Variants in TCF12 observed in about 807,000 individuals in gnomAD.
The protein encoded by TCF12 is transcription factor 12, also known as DNA-binding protein HTF4.
In TCF12, 45 loss-of-function variants were observed where a neutral mutation model predicts 86.0. The observed-to-expected ratio is 0.52, with a 90% CI of 0.41 to 0.67. The LOEUF (loss-of-function observed/expected upper bound fraction) is 0.67. Ranked by LOEUF, TCF12 falls within the 30% of genes least tolerant of loss-of-function variation. TCF12 has a pLI of 0.00. For missense variants in TCF12, 881 were observed against 859.9 expected (o/e 1.02, Z -0.31); for synonymous variants, 330 against 299.6 (o/e 1.10, Z -1.05).
At chr15:57,206,824 G>T (rs753185338) in intron 8 of TCF12, among the ~76,000 whole-genome samples, 1 of 150,732 alleles carries the variant, frequency 6.6e-6, no homozygotes, top group Non-Finnish European at 1.5e-5. Context: ...AGAACCTAAA[G>T]CTGGGCCATA....
intron 3 of TCF12, among the ~76,000 whole-genome samples, chr15:56,922,984 A>C (rs750842575): frequency 2.0e-5 from 3 of 152,054 alleles, no homozygotes; most frequent in Non-Finnish European, 4.4e-5. Context: ...GATATTATGT[A>C]ATACACTCTA....
intron 13 of TCF12, among the ~76,000 whole-genome samples, chr15:57,245,031 G>C (rs1566976723): frequency 1.3e-5 from 2 of 152,308 alleles, no homozygotes; most frequent in Non-Finnish European, 2.9e-5. Context: ...AAGGCATTTG[G>C]CAACTGGGTA....
At chr15:57,039,876 T>C (rs2066779251) in intron 3 of TCF12, among the ~76,000 whole-genome samples, 1 of 152,214 alleles carries the variant, frequency 6.6e-6, no homozygotes, top group African/African-American at 2.4e-5. Flanking sequence ...CTCTTTGAGA[T>C]TGTCAGAAGT....
intron 5 of TCF12, among the ~76,000 whole-genome samples, chr15:57,145,145 ACTGTGCTG>A (rs1369591308): frequency 1.3e-5 from 2 of 152,234 alleles, no homozygotes; most frequent in Admixed American, 1.3e-4. Context: ...GCCCAGGGCT[ACTGTGCTG>A]CTTTAGTCTT....
At chr15:57,205,090 A>G (rs1360770726) in intron 8 of TCF12, among the ~76,000 whole-genome samples, 1 of 152,146 alleles carries the variant, frequency 6.6e-6, no homozygotes. Context: ...AGGCGGGCAG[A>G]TCACTTGAGC....
At chr15:57,036,267 T>C (rs2066501220) in intron 3 of TCF12, among the ~76,000 whole-genome samples, 1 of 152,122 alleles carries the variant, frequency 6.6e-6, no homozygotes, top group South Asian at 2.1e-4. Flanking sequence ...TTTTGTTTTT[T>C]TTTCACTGAA....
chr15:57,284,489 C>T (rs2061847929), intron 20 of TCF12, among the ~76,000 whole-genome samples: 3 of 152,156 alleles, frequency 2.0e-5, no homozygotes, highest in Admixed American at 6.5e-5. Flanking sequence ...GCGTTACAGG[C>T]GTGAGCCGCT....
chr15:57,113,089 TTCA>T (rs2050604331), intron 5 of TCF12, among the ~76,000 whole-genome samples: 1 of 152,222 alleles, frequency 6.6e-6, no homozygotes, highest in Non-Finnish European at 1.5e-5. Context: ...CTTGAAGATC[TTCA>T]TTTTTCTGGC....
intron 3 of TCF12, among the ~76,000 whole-genome samples, chr15:57,042,283 A>G (rs1167421848): frequency 6.6e-6 from 1 of 152,130 alleles, no homozygotes; most frequent in African/African-American, 2.4e-5. Context: ...ATGGACGTGG[A>G]CGAAGGGAAA....
chr15:56,927,552 A>G (rs2060069089), intron 3 of TCF12, among the ~76,000 whole-genome samples: 1 of 152,240 alleles, frequency 6.6e-6, no homozygotes, highest in African/African-American at 2.4e-5. Flanking sequence ...TGGAATGAAT[A>G]TAGCATAACT....
chr15:57,104,867 T>G (rs1197695478), intron 5 of TCF12, among the ~76,000 whole-genome samples: 5 of 131,486 alleles, frequency 3.8e-5, no homozygotes, highest in Admixed American at 1.5e-4. Flanking sequence ...TGGTGTTTTT[T>G]TTTTTTTTTT....
intron 6 of TCF12, among the ~76,000 whole-genome samples, chr15:57,191,947 A>G (rs1182155711): frequency 1.3e-5 from 2 of 152,044 alleles, no homozygotes; most frequent in African/African-American, 4.8e-5. Flanking sequence ...AAAAAAAAAG[A>G]AAAAAAGGCC....
chr15:57,095,927 A>G (rs2049289547), intron 5 of TCF12, among the ~76,000 whole-genome samples: 1 of 152,212 alleles, frequency 6.6e-6, no homozygotes. Context: ...GATTAAAACT[A>G]AGGCAGAGGA....
chr15:57,255,725 G>A (rs931195118), intron 16 of TCF12, among the ~76,000 whole-genome samples: 2 of 151,808 alleles, frequency 1.3e-5, no homozygotes, highest in African/African-American at 2.4e-5. Flanking sequence ...CTTGTGATCC[G>A]CCCACCTCGG....
chr15:57,061,958 T>G (rs2141703236), intron 3 of TCF12, among the ~76,000 whole-genome samples: 1 of 150,846 alleles, frequency 6.6e-6, no homozygotes, highest in South Asian at 2.1e-4. Context: ...GTAACAGTGT[T>G]TTTTTTTTGT....
chr15:57,107,165 G>T (rs1295869452), intron 5 of TCF12, among the ~76,000 whole-genome samples: 1 of 152,190 alleles, frequency 6.6e-6, no homozygotes, highest in Non-Finnish European at 1.5e-5. Context: ...AAACCACCAA[G>T]ATGTCCTTCA....
At chr15:56,992,498 A>G (rs1371727814) in intron 3 of TCF12, among the ~76,000 whole-genome samples, 2 of 152,230 alleles carry the variant, frequency 1.3e-5, no homozygotes, top group East Asian at 3.8e-4. Flanking sequence ...TACTATTGAA[A>G]GTCACATAAC....
At chr15:57,152,852 C>G (rs768540765) in intron 5 of TCF12, among the ~76,000 whole-genome samples, 70 of 150,770 alleles carry the variant, frequency 4.6e-4, no homozygotes, top group Non-Finnish European at 8.7e-4. Context: ...ACAAGAACTC[C>G]CCTCCACACA....
chr15:57,069,440 G>A (rs1474787868), intron 4 of TCF12, among the ~76,000 whole-genome samples: 2 of 152,152 alleles, frequency 1.3e-5, no homozygotes, highest in African/African-American at 2.4e-5. Flanking sequence ...TTTCTCTTCT[G>A]TCTGTATTAT....
Sources: gnomAD v4.1 joint callset for allele counts (sites outside exome capture counted in the v4.1 genomes callset) on GRCh38, gnomAD v4.1.1 for gene constraint, MANE v1.5 for transcripts, NCBI Gene and HGNC (gene_info 2026-07-23, HGNC 2026-07-21) for gene names.